The following TMEM17 variants were observed in gnomAD, a reference collection of about 807,000 sequenced individuals.
TMEM17 encodes transmembrane protein 17.
TMEM17 carries 15 observed loss-of-function variants against 19.1 expected under a neutral mutation model. The ratio of observed to expected loss-of-function variants is 0.78; its 90% CI spans 0.52 to 1.21. TMEM17 has a LOEUF of 1.21. TMEM17 is among the 50% of genes most tolerant of loss of function. The pLI is 0.00. For synonymous variants in TMEM17, 103 were observed against 86.9 expected, an observed-to-expected ratio of 1.19 and a Z score of -1.03; for missense variants, 245 against 242.3, an observed-to-expected ratio of 1.01 and a Z score of -0.07.
At chr2:62,490,609 C>G in the TMEM17 span, among the ~76,000 whole-genome samples, 2 of 152,064 alleles carry the variant, frequency 1.3e-5, no homozygotes, top group South Asian at 2.1e-4. Flanking sequence ...ATGGTAATTT[C>G]TCATATTTCG....
At chr2:62,480,194 G>C in the TMEM17 span, among the ~76,000 whole-genome samples, 441 of 151,716 alleles carry the variant, frequency 2.9e-3, 2 homozygotes, top group African/African-American at 0.01. Context: ...GTCTTTCTTT[G>C]TTGGCTATTT....
At chr2:62,473,938 TG>T in the TMEM17 span, among the ~76,000 whole-genome samples, 1 of 152,024 alleles carries the variant, frequency 6.6e-6, no homozygotes, top group African/African-American at 2.4e-5. Context: ...TAAGAGGGGC[TG>T]GGTGTGAGTC....
the TMEM17 span, among the ~76,000 whole-genome samples, chr2:62,492,947 G>A: frequency 6.6e-6 from 1 of 152,210 alleles, no homozygotes; most frequent in African/African-American, 2.4e-5. Flanking sequence ...AGAGCAAGAT[G>A]AAGTCAGGCA....
chr2:62,478,324 T>A, the TMEM17 span, among the ~76,000 whole-genome samples: 1 of 152,126 alleles, frequency 6.6e-6, no homozygotes, highest in Non-Finnish European at 1.5e-5. Flanking sequence ...TTGTAACGAG[T>A]TCCCTGCAGC....
intron 1 of TMEM17, among the ~76,000 whole-genome samples, chr2:62,503,632 T>C (rs1388214017): frequency 6.6e-6 from 1 of 152,276 alleles, no homozygotes; most frequent in East Asian, 1.9e-4. Flanking sequence ...TATTTCATCC[T>C]AGCACTGTGC....
the TMEM17 span, among the ~76,000 whole-genome samples, chr2:62,459,523 C>T: frequency 6.6e-6 from 1 of 152,196 alleles, no homozygotes. Context: ...CTCACTTTCC[C>T]GGCTGTCACA....
chr2:62,499,440 A>G (rs913686774), downstream of TMEM17, among the ~76,000 whole-genome samples: 2 of 152,226 alleles, frequency 1.3e-5, no homozygotes, highest in Non-Finnish European at 2.9e-5. Context: ...CTATTCAAAC[A>G]GAATTCTATT....
At chr2:62,485,212 T>G in the TMEM17 span, among the ~76,000 whole-genome samples, 2 of 152,218 alleles carry the variant, frequency 1.3e-5, no homozygotes, top group Non-Finnish European at 2.9e-5. Flanking sequence ...AGTGCTAGGA[T>G]TATAGGCATA....
At chr2:62,463,113 T>C in the TMEM17 span, 1,426 of 152,346 alleles carry the variant, frequency 9.4e-3, 15 homozygotes, top group African/African-American at 0.031. Context: ...TGGAGCAGCC[T>C]TGGGGAATCA....
the TMEM17 span, among the ~76,000 whole-genome samples, chr2:62,469,883 CA>C: frequency 6.6e-6 from 1 of 152,226 alleles, no homozygotes; most frequent in Non-Finnish European, 1.5e-5. Context: ...TGGCTGGCTG[CA>C]AGTTTGTCTC....
At chr2:62,497,173 A>T (rs1679799950), downstream of TMEM17, among the ~76,000 whole-genome samples, 1 of 152,230 alleles carries the variant, frequency 6.6e-6, no homozygotes, top group South Asian at 2.1e-4. Context: ...TATCCAGGCC[A>T]GCTTGTTCTC....
chr2:62,504,764 C>T (rs1242981282), intron 1 of TMEM17, among the ~76,000 whole-genome samples: 2 of 152,126 alleles, frequency 1.3e-5, no homozygotes, highest in South Asian at 2.1e-4. Context: ...TGTTTTTTCA[C>T]GTTTAAATGG....
chr2:62,458,029 A>G, the TMEM17 span, among the ~76,000 whole-genome samples: 1 of 152,144 alleles, frequency 6.6e-6, no homozygotes, highest in Non-Finnish European at 1.5e-5. Context: ...AAGATGGGGG[A>G]ACACTTCGCT....
At chr2:62,475,737 A>T in the TMEM17 span, among the ~76,000 whole-genome samples, 1 of 152,124 alleles carries the variant, frequency 6.6e-6, no homozygotes, top group Non-Finnish European at 1.5e-5. Flanking sequence ...GGGCTCGCTG[A>T]CAGCTGGGTC....
the TMEM17 span, among the ~76,000 whole-genome samples, chr2:62,481,064 G>A: frequency 2.0e-5 from 3 of 152,050 alleles, no homozygotes; most frequent in Non-Finnish European, 2.9e-5. Context: ...ATCATGAGAT[G>A]TCTTTTGATT....
the TMEM17 span, among the ~76,000 whole-genome samples, chr2:62,465,070 G>A: frequency 6.6e-6 from 1 of 152,208 alleles, no homozygotes. Context: ...TCCTACAAGG[G>A]CAGTCTAGTC....
the TMEM17 span, among the ~76,000 whole-genome samples, chr2:62,475,370 C>A: frequency 6.6e-6 from 1 of 152,240 alleles, no homozygotes; most frequent in Admixed American, 6.5e-5. Flanking sequence ...CGAGAGGGAC[C>A]GCTGAGTGCG....
the TMEM17 span, among the ~76,000 whole-genome samples, chr2:62,467,426 G>A: frequency 1.3e-5 from 2 of 152,142 alleles, no homozygotes; most frequent in Non-Finnish European, 2.9e-5. Context: ...TTTAACATTC[G>A]ATGAACATGT....
At chr2:62,484,384 G>A in the TMEM17 span, among the ~76,000 whole-genome samples, 1 of 152,172 alleles carries the variant, frequency 6.6e-6, no homozygotes, top group East Asian at 1.9e-4. Flanking sequence ...CACTCTGATT[G>A]GCTGCCATGT....
Sources: allele counts gnomAD v4.1 joint callset (sites outside exome capture counted in the v4.1 genomes callset), GRCh38; gene constraint gnomAD v4.1.1; transcripts MANE v1.5; gene names NCBI Gene and HGNC (gene_info 2026-07-23, HGNC 2026-07-21).